The following SMOC2 variants were observed in gnomAD, a reference collection of about 807,000 sequenced individuals.
SMOC2 encodes SPARC related modular calcium binding 2.
Under a neutral mutation model 61.4 loss-of-function variants are expected in SMOC2, and 39 were observed. The observed-to-expected ratio is 0.64, with a 90% CI of 0.49 to 0.83. The LOEUF is 0.83. SMOC2 is among the 40% of genes least tolerant of loss of function. The pLI is 0.00. For missense variants in SMOC2, 556 were observed against 592.9 expected (o/e 0.94, Z 0.65); for synonymous variants, 247 against 239.9 (o/e 1.03, Z -0.27).
At chr6:168,442,135 T>G (rs1397908165) in intron 1 of SMOC2, among the ~76,000 whole-genome samples, 1 of 152,208 alleles carries the variant, frequency 6.6e-6, no homozygotes, top group Admixed American at 6.5e-5. Context: ...GCCTGAGTGT[T>G]ATTAGAGAAG....
At chr6:168,526,537 G>A (rs1783458528) in intron 3 of SMOC2, 85 bp downstream of exon 3, 2 of 1,065,640 alleles carry the variant, frequency 1.9e-6, no homozygotes, top group Non-Finnish European at 2.9e-6. Flanking sequence ...GCAGGTGGGG[G>A]GAGCCGAACA....
intron 7 of SMOC2, among the ~76,000 whole-genome samples, chr6:168,569,075 G>A (rs1334837993): frequency 6.6e-6 from 1 of 152,212 alleles, no homozygotes; most frequent in Non-Finnish European, 1.5e-5. Context: ...CTAAGAACAC[G>A]ATTGGTGGAT....
intron 7 of SMOC2, among the ~76,000 whole-genome samples, chr6:168,575,832 G>A (rs780423533): frequency 3.3e-5 from 5 of 151,062 alleles, no homozygotes; most frequent in Admixed American, 6.6e-5. Context: ...GAAGATGACC[G>A]ACTTCCTTGA....
intron 9 of SMOC2, among the ~76,000 whole-genome samples, chr6:168,616,319 C>CG (rs1009847674): frequency 1.3e-5 from 2 of 152,196 alleles, no homozygotes; most frequent in Admixed American, 6.5e-5. Context: ...TACAGGCTCA[C>CG]GCCAGAACCA....
chr6:168,655,340 G>A (rs1456297033), intron 11 of SMOC2: 1 of 454,504 alleles, frequency 2.2e-6, no homozygotes, highest in Non-Finnish European at 4.4e-6. Flanking sequence ...GGTTATAGCA[G>A]TTTTAACAAT....
chr6:168,511,793 G>C (rs779139713), intron 2 of SMOC2, among the ~76,000 whole-genome samples: 5 of 144,174 alleles, frequency 3.5e-5, no homozygotes, highest in Non-Finnish European at 7.5e-5. Flanking sequence ...CATGACAAAT[G>C]GCTATTCATT....
At chr6:168,481,672 A>G (rs1206317806) in intron 1 of SMOC2, among the ~76,000 whole-genome samples, 1 of 152,010 alleles carries the variant, frequency 6.6e-6, no homozygotes, top group Non-Finnish European at 1.5e-5. Flanking sequence ...CCCTTTTATC[A>G]GAAATTAATT....
At chr6:168,659,671 TGAGGGTG>T (rs1787440618) in intron 11 of SMOC2, among the ~76,000 whole-genome samples, 2 of 147,992 alleles carry the variant, frequency 1.4e-5, no homozygotes, top group African/African-American at 2.5e-5. Context: ...GTAGGCTGGG[TGAGGGTG>T]GAGGTTGTAG....
At chr6:168,601,094 G>A (rs1483222388) in intron 8 of SMOC2, among the ~76,000 whole-genome samples, 2 of 152,356 alleles carry the variant, frequency 1.3e-5, no homozygotes, top group African/African-American at 4.8e-5. Context: ...TTAGGCATGA[G>A]CATTTGGACG....
chr6:168,506,723 A>C (rs1310849661), intron 1 of SMOC2, among the ~76,000 whole-genome samples: 3 of 152,216 alleles, frequency 2.0e-5, no homozygotes, highest in African/African-American at 7.2e-5. Context: ...AAATCAAAAG[A>C]AATGAGAACC....
chr6:168,502,630 T>G (rs1782757800), intron 1 of SMOC2, among the ~76,000 whole-genome samples: 1 of 152,228 alleles, frequency 6.6e-6, no homozygotes, highest in South Asian at 2.1e-4. Context: ...CTTTCCTAAC[T>G]CACTGAGTTA....
chr6:168,636,144 C>T (rs1340751300), intron 9 of SMOC2, among the ~76,000 whole-genome samples: 4 of 152,166 alleles, frequency 2.6e-5, no homozygotes, highest in Non-Finnish European at 1.5e-5. Context: ...AAGACTTCTG[C>T]CGTGAAAGTT....
At chr6:168,625,830 G>A (rs1212601095) in intron 9 of SMOC2, among the ~76,000 whole-genome samples, 3 of 152,216 alleles carry the variant, frequency 2.0e-5, no homozygotes, top group Admixed American at 6.5e-5. Flanking sequence ...CAGGAAGGCC[G>A]GCCTGTGGGC....
At chr6:168,576,615 G>A (rs950269875) in intron 7 of SMOC2, among the ~76,000 whole-genome samples, 3 of 152,060 alleles carry the variant, frequency 2.0e-5, no homozygotes, top group African/African-American at 7.3e-5. Flanking sequence ...CAGGCAAACC[G>A]GCGGGCCTCG....
intron 2 of SMOC2, among the ~76,000 whole-genome samples, chr6:168,518,968 CGCGTGTGTATGCAT>C (rs778053086): frequency 2.3e-3 from 330 of 142,302 alleles, no homozygotes; most frequent in Non-Finnish European, 4.3e-3. Context: ...TATCCGTGCA[CGCGTGTGTATGCAT>C]GCGTGTGTAT....
chr6:168,514,336 G>A (rs1783080122), intron 2 of SMOC2, among the ~76,000 whole-genome samples: 1 of 152,046 alleles, frequency 6.6e-6, no homozygotes, highest in Admixed American at 6.6e-5. Context: ...TAGAAGTCTT[G>A]CTTCATTGGC....
chr6:168,548,854 A>C lies in SMOC2; in HGVS notation c.563-275A>C, dbSNP rs897932037. On this transcript the variant is annotated intron_variant, in intron 6 of 12. Coordinates refer to ENST00000356284, the MANE Select transcript of SMOC2 (RefSeq NM_001166412.2). ...TTTTTGTACACTGGGTATTTTTCTAAAATCTGATTCTTTCAAAGTGAATTC... is the reference window on the plus strand; with the variant it reads ...TTTTTGTACACTGGGTATTTTTCTACAATCTGATTCTTTCAAAGTGAATTC... 5.3e-5 allele frequency among the ~76,000 whole-genome samples: 8 copies of C among 152,312 alleles called. No individual in the cohort carries two copies. The East Asian group carries it at 1.5e-3, about 29-fold the overall frequency.
At chr6:168,665,832 TAAAAC>T (rs1175605692) in intron 12 of SMOC2, among the ~76,000 whole-genome samples, 1 of 151,508 alleles carries the variant, frequency 6.6e-6, no homozygotes, top group Non-Finnish European at 1.5e-5. Context: ...TTTGAAATAA[TAAAAC>T]AGAAGAAGGG....
chr6:168,624,660 AC>A, intron 9 of SMOC2, among the ~76,000 whole-genome samples: 1 of 110,206 alleles, frequency 9.1e-6, no homozygotes, highest in Admixed American at 8.8e-5. Context: ...ACAGACACAG[AC>A]GCACACACAC....
Sources: gnomAD v4.1 joint callset for allele counts (sites outside exome capture counted in the v4.1 genomes callset) on GRCh38, gnomAD v4.1.1 for gene constraint, MANE v1.5 for transcripts, NCBI Gene and HGNC (gene_info 2026-07-23, HGNC 2026-07-21) for gene names.